The following NTAN1 variants were observed in gnomAD, a reference collection of about 807,000 sequenced individuals.
The protein encoded by NTAN1 is protein N-terminal asparagine amidohydrolase.
Under a neutral mutation model 41.9 loss-of-function variants are expected in NTAN1, and 32 were observed. The observed-to-expected ratio is 0.76, with a 90% CI of 0.58 to 1.03. The LOEUF is 1.03. Among genes scored for constraint, NTAN1 ranks in the 50% least tolerant of loss-of-function variants. The probability of loss-of-function intolerance (pLI) is 0.00; values close to 1 mark genes in which losing one functional copy is unlikely to be tolerated. For synonymous variants in NTAN1, 140 were observed against 139.5 expected, an observed-to-expected ratio of 1.00 and a Z score of -0.03; for missense variants, 377 against 377.5, an observed-to-expected ratio of 1.00 and a Z score of 0.01.
chr16:15,053,197 A>G (rs2044363498), intron 1 of NTAN1, among the ~76,000 whole-genome samples: 3 of 152,280 alleles, frequency 2.0e-5, no homozygotes, highest in African/African-American at 7.2e-5. Flanking sequence ...TCCAGAGTCA[A>G]GGGCAGGCTG....
chr16:15,053,304 G>A (rs1274304665), intron 1 of NTAN1, among the ~76,000 whole-genome samples: 1 of 152,106 alleles, frequency 6.6e-6, no homozygotes, highest in African/African-American at 2.4e-5. Context: ...CTGTAAAATG[G>A]GAATAGCAGT....
intron 4 of NTAN1, chr16:15,045,465 T>TC (rs1280087993): frequency 2.1e-5 from 3 of 140,290 alleles, no homozygotes; most frequent in Non-Finnish European, 4.6e-5. Context: ...AGACTCTGTC[T>TC]CAAAAAAAAA....
In NTAN1 at chr16:15,048,117, A is replaced by C; in HGVS notation, c.82-18T>G. The C allele has an allele frequency of 6.6e-7, 1 of 1,516,630 alleles. No homozygotes were observed. The highest frequency in any genetic ancestry group is 9.0e-7 in the Non-Finnish European group (1 of 1,106,616). The allele number at this position is 1,516,630 out of a possible 1,614,324, so 93.9% of individuals were successfully genotyped here. A position where few individuals can be genotyped will look rare whatever the true frequency, so the allele number is the denominator to read the frequency against. The stretch of plus-strand genomic sequence containing the variant: ...GCTCTTTCCTGTTTAATTAAAAAAA[A>C]AATAAAATAGTGATGTAAATTAGTG... On this transcript the variant is annotated intron_variant, in intron 1 of 9. Transcript: ENST00000287706.
chr16:15,041,732 A>G, intron 5 of NTAN1, 56 bp from the exon 6 acceptor site: 1 of 1,320,852 alleles, frequency 7.6e-7, no homozygotes, highest in East Asian at 2.3e-5. Flanking sequence ...TTACCAGAAC[A>G]AACTGCTGAG....
intron 1 of NTAN1, among the ~76,000 whole-genome samples, chr16:15,054,318 G>A (rs1325563276): frequency 6.6e-6 from 1 of 152,136 alleles, no homozygotes; most frequent in African/African-American, 2.4e-5. Context: ...TCTTAAATAG[G>A]CCAAAACCTT....
intron 7 of NTAN1, among the ~76,000 whole-genome samples, chr16:15,040,717 C>T (rs150479665): frequency 6.6e-6 from 1 of 152,212 alleles, no homozygotes; most frequent in East Asian, 1.9e-4. Flanking sequence ...CTTCCTCCCC[C>T]AGAGCACTGG....
chr16:15,053,676 C>G (rs1038700516), intron 1 of NTAN1, among the ~76,000 whole-genome samples: 6 of 151,890 alleles, frequency 4.0e-5, no homozygotes, highest in Admixed American at 1.3e-4. Context: ...TTTGGGAGGC[C>G]GAGACGGGCA....
In NTAN1 at chr16:15,038,112, T is replaced by C. The variant is rs769423964; in HGVS notation, c.852A>G (p.Thr284=). The C allele has an allele frequency of 1.6e-5, 26 of 1,611,754 alleles. No individual in the cohort carries two copies. The East Asian group carries it at 2.0e-4, about 12-fold the overall frequency. ...FLKKHPSPAH[T]LFSGNKALLY... Reference sequence around the variant, plus strand: ...GTAGGGCTTTATTTCCAGAAAACAGTGTGTGAGCTGGAGATGGGTGTTTTT... The same window carrying C: ...GTAGGGCTTTATTTCCAGAAAACAGCGTGTGAGCTGGAGATGGGTGTTTTT... Residue 284 remains threonine, a synonymous_variant, in exon 10 of 10, where the codon ACA becomes ACG. Transcript: ENST00000287706.
intron 1 of NTAN1, among the ~76,000 whole-genome samples, chr16:15,054,329 C>T (rs1055637489): frequency 6.6e-6 from 1 of 152,216 alleles, no homozygotes; most frequent in Admixed American, 6.5e-5. Flanking sequence ...CCAAAACCTT[C>T]CTTCGAGAGA....
Position 15,048,037 on chromosome 16 carries a change from A to G in NTAN1, c.144T>C (p.Tyr48=). ...TCACTGCAAGCTCTCTTTGCTGAAC[A>G]TACAGAAGGCCCTGGGGTCCCACTT... ...VQQVGPQGLL[Y]VQQRELAVTS... Residue 48 remains tyrosine (Y), a synonymous_variant, in exon 2 of 10, where the codon TAT becomes TAC. Transcript: ENST00000287706. 6.2e-7 allele frequency: 1 copy of G among 1,613,768 alleles called. No homozygotes were observed. The highest frequency in any genetic ancestry group is 8.5e-7 in the Non-Finnish European group (1 of 1,179,620).
intron 1 of NTAN1, among the ~76,000 whole-genome samples, chr16:15,054,248 C>G (rs755535005): frequency 6.6e-5 from 10 of 152,254 alleles, no homozygotes; most frequent in Non-Finnish European, 1.2e-4. Flanking sequence ...TGATCGCCCC[C>G]TTCCAAAGTT....
chr16:15,048,675 G>C (rs1292241883), intron 1 of NTAN1, among the ~76,000 whole-genome samples: 3 of 152,162 alleles, frequency 2.0e-5, no homozygotes, highest in Non-Finnish European at 4.4e-5. Flanking sequence ...CCAAGCTGGA[G>C]TATAGTGGTA....
intron 1 of NTAN1, among the ~76,000 whole-genome samples, chr16:15,054,956 G>C (rs1597827926): frequency 6.6e-6 from 1 of 152,132 alleles, no homozygotes; most frequent in Non-Finnish European, 1.5e-5. Context: ...AGAGTGAAAG[G>C]GGACGCTTTT....
chr16:15,048,822 C>G (rs1176819510), intron 1 of NTAN1, among the ~76,000 whole-genome samples: 1 of 151,500 alleles, frequency 6.6e-6, no homozygotes, highest in Non-Finnish European at 1.5e-5. Context: ...CGGGGTCTCC[C>G]TATGCTCCCC....
At chr16:15,048,789 G>A (rs1205062003) in intron 1 of NTAN1, among the ~76,000 whole-genome samples, 1 of 151,422 alleles carries the variant, frequency 6.6e-6, no homozygotes, top group African/African-American at 2.4e-5. Context: ...ACACCTGGCT[G>A]AGTTTTATAC....
rs539021847 is a variant in NTAN1 at position 15,040,962 on chromosome 16, C to T, written c.541+106G>A. On this transcript the variant is annotated intron_variant, in intron 7 of 9. Transcript: ENST00000287706. ...GTTCGGAGTAGCTGGGATCTGAACC[C>T]AAAGCTGTCCCATCCTGACAGCAGT... 4.7e-4 allele frequency: 378 copies of T among 809,374 alleles called. 7 individuals are homozygous for T. The highest frequency in any genetic ancestry group is 2.9e-3 in the South Asian group (209 of 71,410). The allele number at this position is 809,374 out of a possible 1,614,324, so 50.1% of individuals were successfully genotyped here.
At chr16:15,047,188 T>C (rs16966947) in intron 4 of NTAN1, 169,308 of 511,018 alleles carry the variant, frequency 0.33, 30,051 homozygotes, top group East Asian at 0.52. Context: ...TCGACGTTCC[T>C]GAGACGACAT....
intron 4 of NTAN1, among the ~76,000 whole-genome samples, chr16:15,046,226 G>A (rs1337683821): frequency 2.0e-5 from 3 of 152,244 alleles, no homozygotes; most frequent in Non-Finnish European, 4.4e-5. Context: ...GAATCGACCA[G>A]TATTGACTAG....
At chr16:15,049,023 T>C (rs1423608369) in intron 1 of NTAN1, among the ~76,000 whole-genome samples, 1 of 142,752 alleles carries the variant, frequency 7.0e-6, no homozygotes, top group Non-Finnish European at 1.5e-5. Context: ...CCTCCCAAAG[T>C]GCTGGGAGTA....
Sources: allele counts gnomAD v4.1 joint callset (sites outside exome capture counted in the v4.1 genomes callset), GRCh38; gene constraint gnomAD v4.1.1; transcripts MANE v1.5; gene names NCBI Gene and HGNC (gene_info 2026-07-23, HGNC 2026-07-21).